The following PLCE1 variants were observed in gnomAD, a reference collection of about 807,000 sequenced individuals.
PLCE1 encodes the protein 1-phosphatidylinositol 4,5-bisphosphate phosphodiesterase epsilon-1.
Under a neutral mutation model 242.8 loss-of-function variants are expected in PLCE1, and 119 were observed. That is an observed-to-expected ratio of 0.49 (90% CI 0.42 to 0.57). The LOEUF is 0.57. PLCE1 is among the 20% of genes least tolerant of loss of function. PLCE1 has a pLI of 0.00. For missense variants in PLCE1, 2,441 were observed against 2,788.8 expected (o/e 0.88, Z 2.81); for synonymous variants, 945 against 1,017.4 (o/e 0.93, Z 1.35).
chr10:94,182,432 AT>A (rs569973730), intron 4 of PLCE1, among the ~76,000 whole-genome samples: 18,195 of 138,004 alleles, frequency 0.13, 2,311 homozygotes, highest in African/African-American at 0.35. Context: ...CCCTTGGATA[AT>A]TTTTTTTTTT....
intron 2 of PLCE1, among the ~76,000 whole-genome samples, chr10:94,106,349 A>G (rs892869431): frequency 6.6e-6 from 1 of 152,158 alleles, no homozygotes; most frequent in African/African-American, 2.4e-5. Flanking sequence ...ATTCCTACAC[A>G]TATCTCTTAC....
chr10:94,107,545 G>A (rs1038185576), intron 2 of PLCE1: 1 of 152,172 alleles, frequency 6.6e-6, no homozygotes, highest in Non-Finnish European at 1.5e-5. Context: ...GTAGTAAGTA[G>A]TACTTCCAAA....
At position 94,094,974 on chromosome 10, in the gene PLCE1, C is replaced by A. The variant is rs151266547; in HGVS notation, c.1207-37200C>A. Among the ~76,000 whole-genome samples, 120 of 152,252 alleles carry A rather than the reference C, an allele frequency of 7.9e-4. 1 individual carries two copies. The East Asian group carries it at 0.018, about 23-fold the overall frequency. On this transcript the variant is annotated intron_variant, in intron 2 of 32. Coordinates refer to ENST00000371380, the MANE Select transcript of PLCE1 (RefSeq NM_016341.4). ...TTGACCAAGATTAAAAACTTATTAG[C>A]AAAAAAACTTCTTTTCTTACATGGC...
intron 24 of PLCE1, among the ~76,000 whole-genome samples, chr10:94,299,126 G>A (rs1471295735): frequency 6.6e-6 from 1 of 152,162 alleles, no homozygotes; most frequent in Admixed American, 6.5e-5. Context: ...GGAGAATAAT[G>A]GTCAGTGCCC....
intron 8 of PLCE1, among the ~76,000 whole-genome samples, chr10:94,248,177 G>C (rs965552572): frequency 6.6e-6 from 1 of 152,154 alleles, no homozygotes; most frequent in Non-Finnish European, 1.5e-5. Context: ...CCCATGTCAC[G>C]ATTATGAGCA....
chr10:94,304,530 G>C lies in PLCE1; in HGVS notation c.5507G>C (p.Cys1836Ser). ...GCAATGTTTGAGGCAAATGGTGGTTGTGGTTATGTATTGAAACCTCCAGTT... is the reference window on the plus strand; with the variant it reads ...GCAATGTTTGAGGCAAATGGTGGTTCTGGTTATGTATTGAAACCTCCAGTT... ...NAAMFEANGG[C>S]GYVLKPPVLW... The change falls in exon 25 of 33, where the codon TGT (cysteine) becomes TCT (serine). Residue 1836 changes from cysteine (C) to serine (S), a missense_variant. Coordinates refer to ENST00000371380, the MANE Select transcript of PLCE1 (RefSeq NM_016341.4). 1 of 1,614,020 alleles carries C rather than the reference G, an allele frequency of 6.2e-7. No individual in the cohort carries two copies. The highest frequency in any genetic ancestry group is 8.5e-7 in the Non-Finnish European group (1 of 1,179,898).
At chr10:94,308,778 T>G (rs751780510) in intron 27 of PLCE1, 79 bp downstream of exon 27, 5 of 905,498 alleles carry the variant, frequency 5.5e-6, no homozygotes, top group Admixed American at 1.7e-5. Context: ...CCCAGCAAAG[T>G]GGTCGGTGTG....
chr10:94,055,175 T>C (rs1037396473), intron 2 of PLCE1, among the ~76,000 whole-genome samples: 3 of 151,860 alleles, frequency 2.0e-5, no homozygotes, highest in Admixed American at 6.6e-5. Flanking sequence ...ATGAAGATAA[T>C]AATTGGTCCT....
chr10:94,279,922 C>T lies in PLCE1; in HGVS notation c.4795+11C>T, dbSNP rs1443417996. The T allele has an allele frequency of 6.2e-7, 1 of 1,613,274 alleles. No homozygotes were observed. The highest frequency in any genetic ancestry group is 2.2e-5 in the East Asian group (1 of 44,860). ...AATCCCTTTCTGATGGTAAGAGAAA[C>T]AGATCCCTATGCTGTGCACAGGAAA... On this transcript the variant is annotated intron_variant, in intron 20 of 32. Transcript: ENST00000371380.
chr10:94,056,542 T>C (rs139699631), intron 2 of PLCE1, among the ~76,000 whole-genome samples: 3 of 152,320 alleles, frequency 2.0e-5, no homozygotes, highest in Admixed American at 2.0e-4. Flanking sequence ...AAATTTTCTT[T>C]CAATTTTCAT....
rs537485354 is a variant in PLCE1, at chr10:94,265,895, G to A, written c.4218G>A (p.Ser1406=). 48 of 1,613,902 alleles carry A rather than the reference G, an allele frequency of 3.0e-5. No individual in the cohort carries two copies. The highest frequency in any genetic ancestry group is 2.9e-4 in the South Asian group (26 of 91,056). ...LPLSYYYIES[S]HNTYLTGHQL... is the part of the protein sequence containing the mutation. ...TCTCATACTATTACATCGAATCTTC[G>A]CACAATACCTACCTCACGGGCCATC... Residue 1406 remains serine (S), a synonymous_variant, in exon 16 of 33, where the codon TCG becomes TCA. Coordinates refer to ENST00000371380, the MANE Select transcript of PLCE1 (RefSeq NM_016341.4).
intron 20 of PLCE1, among the ~76,000 whole-genome samples, chr10:94,282,957 T>C (rs889398352): frequency 3.9e-5 from 6 of 152,166 alleles, no homozygotes; most frequent in Non-Finnish European, 8.8e-5. Flanking sequence ...AAATGATTTA[T>C]CTCATTTACT....
chr10:94,086,575 G>T (rs963128608), intron 2 of PLCE1, among the ~76,000 whole-genome samples: 3 of 152,168 alleles, frequency 2.0e-5, no homozygotes, highest in African/African-American at 7.2e-5. Context: ...TCCCCACTAG[G>T]GTGGGGGTCT....
intron 4 of PLCE1, among the ~76,000 whole-genome samples, chr10:94,211,683 T>C (rs536188751): frequency 6.6e-6 from 1 of 152,356 alleles, no homozygotes; most frequent in South Asian, 2.1e-4. Flanking sequence ...CCTTCATGTC[T>C]TGGTTTTAGA....
At chr10:94,245,344 CA>C (rs1360347908) in intron 7 of PLCE1, among the ~76,000 whole-genome samples, 1 of 151,474 alleles carries the variant, frequency 6.6e-6, no homozygotes, top group Admixed American at 6.6e-5. Context: ...GTTCCTGACA[CA>C]AGAAGGAAAA....
intron 20 of PLCE1, among the ~76,000 whole-genome samples, chr10:94,282,903 G>A (rs548303840): frequency 1.5e-4 from 23 of 152,170 alleles, no homozygotes; most frequent in African/African-American, 4.8e-4. Context: ...TCTTGGGCCC[G>A]GTTAGCATGA....
In PLCE1 at chr10:94,316,733, AT is replaced by A; in HGVS notation, c.6321del (p.Ile2107MetfsTer3). The A allele has an allele frequency of 6.2e-7, 1 of 1,613,824 alleles. No individual in the cohort carries two copies. Among genetic ancestry groups the A allele is most frequent in the Non-Finnish European group, 8.5e-7 (1 of 1,179,762 alleles). ...TCCAGAAGAGGGATACATGGGCAGG[AT>A]TGTCTTAAAAACCCAGCAGGAAGTA... ...WFPEEGYMGR[I>X]VLKTQQENLE... On this transcript the variant is annotated frameshift_variant, in exon 29 of 33. Coordinates refer to ENST00000371380, the MANE Select transcript of PLCE1 (RefSeq NM_016341.4). LOFTEE classifies it high-confidence loss of function.
chr10:94,007,761 C>T (rs2433028), intron 1 of PLCE1, among the ~76,000 whole-genome samples: 7 of 16,232 alleles, frequency 4.3e-4, no homozygotes, highest in East Asian at 0.018. Context: ...AGACTTTTTT[C>T]TATGTATTTA....
At chr10:94,005,668 G>A (rs953038564) in intron 1 of PLCE1, among the ~76,000 whole-genome samples, 10 of 152,248 alleles carry the variant, frequency 6.6e-5, no homozygotes, top group South Asian at 2.1e-4. Context: ...CCCAAAACTC[G>A]TGTCCCAAAC....
Sources: allele counts gnomAD v4.1 joint callset (sites outside exome capture counted in the v4.1 genomes callset), GRCh38; gene constraint gnomAD v4.1.1; transcripts MANE v1.5; gene names NCBI Gene and HGNC (gene_info 2026-07-23, HGNC 2026-07-21).